Variants in CNTLN observed in about 807,000 individuals in gnomAD.
CNTLN encodes centlein, centrosomal protein.
Under a neutral mutation model 180.0 loss-of-function variants are expected in CNTLN, and 212 were observed. The observed-to-expected ratio is 1.18, with a 90% CI of 1.05 to 1.32. The LOEUF is 1.32. Among genes scored for constraint, CNTLN ranks in the 40% most tolerant of loss-of-function variants. The probability of loss-of-function intolerance (pLI) is 0.00; values close to 1 mark genes in which losing one functional copy is unlikely to be tolerated. For missense variants in CNTLN, 2,095 were observed against 1,610.9 expected, an observed-to-expected ratio of 1.30 and a Z score of -5.14; for synonymous variants, 722 against 563.1, an observed-to-expected ratio of 1.28 and a Z score of -3.99.
chr9:17,387,681 A>T (rs1452773028), intron 13 of CNTLN, among the ~76,000 whole-genome samples: 1 of 151,854 alleles, frequency 6.6e-6, no homozygotes, highest in African/African-American at 2.4e-5. Flanking sequence ...ATGATCCTTC[A>T]CTTGAAAAAA....
intron 2 of CNTLN, among the ~76,000 whole-genome samples, chr9:17,183,352 G>T (rs1821238433): frequency 6.6e-6 from 1 of 152,012 alleles, no homozygotes; most frequent in South Asian, 2.1e-4. Context: ...ATTTTATAAG[G>T]TTATTCAGGA....
chr9:17,190,710 T>G (rs1386324030), intron 2 of CNTLN, among the ~76,000 whole-genome samples: 1 of 152,184 alleles, frequency 6.6e-6, no homozygotes, highest in African/African-American at 2.4e-5. Flanking sequence ...GTTGTCATAT[T>G]CTTATGCCCT....
At chr9:17,519,772 C>G in the CNTLN span, among the ~76,000 whole-genome samples, 1 of 152,168 alleles carries the variant, frequency 6.6e-6, no homozygotes, top group Admixed American at 6.5e-5. Flanking sequence ...TTTTAACATG[C>G]AGAGAGGATG....
chr9:17,141,448 C>G (rs1470398487), intron 1 of CNTLN, among the ~76,000 whole-genome samples: 1 of 152,062 alleles, frequency 6.6e-6, no homozygotes, highest in Non-Finnish European at 1.5e-5. Flanking sequence ...GCAGTATGTG[C>G]ATTGGCCCTG....
intron 3 of CNTLN, among the ~76,000 whole-genome samples, chr9:17,228,146 G>T (rs1824590941): frequency 6.6e-6 from 1 of 152,038 alleles, no homozygotes; most frequent in Middle Eastern, 3.2e-3. Context: ...CATTAAGTTT[G>T]CAATGCTTTA....
intron 13 of CNTLN, among the ~76,000 whole-genome samples, chr9:17,375,284 G>A (rs778684170): frequency 1.4e-4 from 22 of 152,180 alleles, no homozygotes; most frequent in Admixed American, 8.5e-4. Context: ...AGGGTAGTTG[G>A]AGGAAGTGGG....
chr9:17,262,860 C>T (rs973228508), intron 5 of CNTLN, among the ~76,000 whole-genome samples: 12 of 151,040 alleles, frequency 7.9e-5, no homozygotes, highest in Non-Finnish European at 1.2e-4. Context: ...GTAGATGGCT[C>T]GTAGTATTTT....
intron 19 of CNTLN, among the ~76,000 whole-genome samples, chr9:17,461,719 ACTC>A (rs1419877490): frequency 1.7e-4 from 25 of 151,514 alleles, no homozygotes; most frequent in Admixed American, 1.3e-3. Context: ...CTAAATAACT[ACTC>A]CAAATATTTT....
chr9:17,192,878 T>A (rs1436561282), intron 2 of CNTLN, among the ~76,000 whole-genome samples: 1 of 152,176 alleles, frequency 6.6e-6, no homozygotes, highest in African/African-American at 2.4e-5. Flanking sequence ...GATAAAGACG[T>A]ACCTGAGACT....
At chr9:17,484,705 C>T (rs1588093574) in intron 24 of CNTLN, among the ~76,000 whole-genome samples, 3 of 152,132 alleles carry the variant, frequency 2.0e-5, no homozygotes, top group Admixed American at 2.0e-4. Context: ...TACTTATAAC[C>T]TTTCAAATTA....
chr9:17,434,033 G>C (rs1406076868), intron 18 of CNTLN, among the ~76,000 whole-genome samples: 1 of 152,116 alleles, frequency 6.6e-6, no homozygotes, highest in Non-Finnish European at 1.5e-5. Context: ...TATTCTGGGG[G>C]TAAACTCTAC....
At chr9:17,221,447 A>G (rs1824129564) in intron 2 of CNTLN, among the ~76,000 whole-genome samples, 2 of 152,148 alleles carry the variant, frequency 1.3e-5, no homozygotes, top group South Asian at 4.1e-4. Context: ...GATTGCAATT[A>G]TGTATTAAAT....
At chr9:17,412,912 A>C (rs1827961851) in intron 16 of CNTLN, among the ~76,000 whole-genome samples, 1 of 152,216 alleles carries the variant, frequency 6.6e-6, no homozygotes, top group South Asian at 2.1e-4. Flanking sequence ...TATCTCAGTA[A>C]AGAATTAGAA....
chr9:17,435,456 T>C (rs1426395492), intron 18 of CNTLN, among the ~76,000 whole-genome samples: 2 of 152,052 alleles, frequency 1.3e-5, no homozygotes, highest in African/African-American at 4.8e-5. Context: ...TCACAATGGC[T>C]GTTAAGACTA....
chr9:17,274,514 T>TATCG (rs1828184066), intron 6 of CNTLN, among the ~76,000 whole-genome samples: 1 of 151,526 alleles, frequency 6.6e-6, no homozygotes, highest in Non-Finnish European at 1.5e-5. Context: ...TGTATCTTTC[T>TATCG]ATCTATCCAT....
chr9:17,458,373 C>T (rs1831259516), intron 19 of CNTLN, among the ~76,000 whole-genome samples: 1 of 151,814 alleles, frequency 6.6e-6, no homozygotes, highest in African/African-American at 2.4e-5. Context: ...CTTCTTAAGC[C>T]CATTTATTCC....
Position 17,273,871 on chromosome 9 carries a change from G to A in CNTLN, c.983+5G>A, listed in dbSNP as rs1334446786. 1 of 1,536,532 alleles carries A rather than the reference G, an allele frequency of 6.5e-7. No homozygotes were observed. The highest frequency in any genetic ancestry group is 8.7e-7 in the Non-Finnish European group (1 of 1,146,530). On this transcript the variant is annotated splice_donor_5th_base_variant and intron_variant, in intron 6 of 25. Coordinates refer to ENST00000380647, the MANE Select transcript of CNTLN (RefSeq NM_017738.4). ...TATGGATATTACCCTGGTCAGGCAA[G>A]TATATTCAATTTTTAATTTAACATC...
intron 2 of CNTLN, among the ~76,000 whole-genome samples, chr9:17,209,043 A>G (rs1332481868): frequency 6.6e-6 from 1 of 151,532 alleles, no homozygotes; most frequent in East Asian, 1.9e-4. Context: ...GTTTATTTGA[A>G]GTTTTCCTAC....
chr9:17,247,349 A>G (rs1041307304), intron 5 of CNTLN, among the ~76,000 whole-genome samples: 1 of 152,156 alleles, frequency 6.6e-6, no homozygotes, highest in African/African-American at 2.4e-5. Flanking sequence ...GCTGGTCTAC[A>G]TGTTCCCTCC....
Sources: gnomAD v4.1 joint callset for allele counts (sites outside exome capture counted in the v4.1 genomes callset) on GRCh38, gnomAD v4.1.1 for gene constraint, MANE v1.5 for transcripts, NCBI Gene and HGNC (gene_info 2026-07-23, HGNC 2026-07-21) for gene names.